Variants in MPV17L observed in about 807,000 individuals in gnomAD.
MPV17L encodes mpv17-like protein.
In MPV17L, 24 loss-of-function variants were observed where a neutral mutation model predicts 25.8. The observed-to-expected ratio is 0.93, with a 90% CI of 0.67 to 1.31. The LOEUF is 1.31. MPV17L is among the 50% of genes most tolerant of loss of function. MPV17L has a pLI of 0.00. For synonymous variants in MPV17L, 102 were observed against 115.3 expected, an observed-to-expected ratio of 0.88 and a Z score of 0.74; for missense variants, 250 against 265.6, an observed-to-expected ratio of 0.94 and a Z score of 0.41.
At chr16:15,398,293 T>G (rs1484319355) in intron 1 of MPV17L, among the ~76,000 whole-genome samples, 1 of 151,570 alleles carries the variant, frequency 6.6e-6, no homozygotes, top group Non-Finnish European at 1.5e-5. Flanking sequence ...ATCTGCCCAT[T>G]TGGCCTCCCA....
intron 2 of MPV17L, among the ~76,000 whole-genome samples, chr16:15,401,850 A>C (rs1216148388): frequency 6.6e-6 from 1 of 152,080 alleles, no homozygotes; most frequent in African/African-American, 2.4e-5. Flanking sequence ...GAAAAGAAAT[A>C]ATATCTCTGA....
chr16:15,400,739 C>T (rs56158663), intron 1 of MPV17L, 48 bp from the exon 2 acceptor site: 22,273 of 1,313,110 alleles, frequency 0.017, 264 homozygotes, highest in Non-Finnish European at 0.018. Flanking sequence ...AACTGTTATA[C>T]GGTACTCTAC....
chr16:15,402,211 C>T (rs1598424644), intron 2 of MPV17L, among the ~76,000 whole-genome samples: 1 of 152,304 alleles, frequency 6.6e-6, no homozygotes, highest in East Asian at 1.9e-4. Flanking sequence ...CAGTCCAATA[C>T]ATATTTATTC....
intron 2 of MPV17L, among the ~76,000 whole-genome samples, chr16:15,401,837 AAAG>A (rs2050642547): frequency 6.6e-6 from 1 of 152,152 alleles, no homozygotes; most frequent in African/African-American, 2.4e-5. Flanking sequence ...AAAAAGAAGA[AAAG>A]AAAAGAAATA....
chr16:15,400,361 T>G (rs75733323), intron 1 of MPV17L, among the ~76,000 whole-genome samples: 5 of 150,792 alleles, frequency 3.3e-5, no homozygotes, highest in Non-Finnish European at 4.4e-5. Context: ...TTTTTTTTTT[T>G]TTTGTTTGAG....
rs1261785489 is a variant in MPV17L at position 15,395,927 on chromosome 16, C to A, written c.30C>A (p.Arg10=). MAGWWPALS[R]AARRHPWPTN... is the part of the protein sequence containing the mutation. ...CGGGCTGGTGGCCGGCGTTGTCGCGCGCGGCCCGGCGCCACCCGTGGCCCA... is the reference window on the plus strand; with the variant it reads ...CGGGCTGGTGGCCGGCGTTGTCGCGAGCGGCCCGGCGCCACCCGTGGCCCA... Residue 10 remains arginine, a synonymous_variant, in exon 1 of 4, where the codon CGC becomes CGA. Coordinates refer to ENST00000396385, the MANE Select transcript of MPV17L (RefSeq NM_001128423.2). The A allele has an allele frequency of 9.1e-6, 13 of 1,435,740 alleles. No individual in the cohort carries two copies. Among genetic ancestry groups the A allele is most frequent in the African/African-American group, 1.5e-5 (1 of 66,730 alleles). 88.9% of individuals were successfully genotyped at this position (1,435,740 alleles called of 1,614,324 possible). A position where few individuals can be genotyped will look rare whatever the true frequency, so the allele number is the denominator to read the frequency against.
intron 2 of MPV17L, among the ~76,000 whole-genome samples, chr16:15,401,087 T>TATATA (rs376853780): frequency 3.0e-3 from 53 of 17,762 alleles, no homozygotes; most frequent in South Asian, 0.022. Context: ...TATATATATA[T>TATATA]TTTTTTTTTT....
Position 15,408,521 on chromosome 16 carries a change from A to C in MPV17L, c.*409A>C, listed in dbSNP as rs2050702415. On this transcript the variant is annotated 3_prime_UTR_variant, in exon 4 of 4. Coordinates refer to ENST00000396385, the MANE Select transcript of MPV17L (RefSeq NM_001128423.2). ...GTTCTTAGAGTGAATTTTAATTTAC[A>C]TAGAACTCAATCGAAATGAAGATTT... 6.4e-6 allele frequency: 1 copy of C among 156,072 alleles called. No homozygotes were observed. Among genetic ancestry groups the C allele is most frequent in the African/African-American group, 2.4e-5 (1 of 41,528 alleles). 9.7% of individuals were successfully genotyped at this position (156,072 alleles called of 1,614,324 possible).
chr16:15,413,062 C>G lies in MPV17L; in HGVS notation c.*4950C>G, dbSNP rs1365060468. 1.3e-5 allele frequency: 2 copies of G among 152,086 alleles called. No homozygotes were observed. The highest frequency in any genetic ancestry group is 2.9e-5 in the Non-Finnish European group (2 of 68,020). The allele number at this position is 152,086 out of a possible 1,614,324, so 9.4% of individuals were successfully genotyped here. On this transcript the variant is annotated 3_prime_UTR_variant, in exon 4 of 4. Transcript: ENST00000396385. Reference sequence around the variant, plus strand: ...TATGTGAATTTCTACAGAATGTTTGCTAGAATGAATTATATCTAGGATATG... The same window carrying G: ...TATGTGAATTTCTACAGAATGTTTGGTAGAATGAATTATATCTAGGATATG...
intron 1 of MPV17L, among the ~76,000 whole-genome samples, chr16:15,398,073 C>T (rs1468455014): frequency 1.3e-5 from 2 of 151,898 alleles, no homozygotes; most frequent in African/African-American, 2.4e-5. Context: ...GACAGAGTCT[C>T]GCTTTATTGC....
At position 15,408,110 on chromosome 16, in the gene MPV17L, T is replaced by C. The variant is rs1317137995; in HGVS notation, c.589T>C (p.Ter197ArgextTer14). Residue 197 changes from the stop codon to arginine, a stop_lost, in exon 4 of 4, where the codon TGA becomes CGA. Transcript: ENST00000396385. ...TGCCACAGAAGGGTACCCGAAGAAA[T>C]GAGAAGTCAAGGACTCTCTTAAAGG... ...TSATEGYPKK[*>R] 30 of 1,589,060 alleles carry C rather than the reference T, an allele frequency of 1.9e-5. No homozygotes were observed. In the East Asian group the frequency reaches 6.8e-4, roughly 36 times the overall value.
At chr16:15,400,894 TTGTG>T in intron 2 of MPV17L, 37 bp downstream of exon 2, 1 of 1,401,148 alleles carries the variant, frequency 7.1e-7, no homozygotes, top group Non-Finnish European at 9.8e-7. Context: ...CACTATATTT[TTGTG>T]TATATATGTA....
intron 2 of MPV17L, among the ~76,000 whole-genome samples, chr16:15,405,998 G>A (rs1299727577): frequency 1.3e-5 from 2 of 151,942 alleles, no homozygotes; most frequent in African/African-American, 4.8e-5. Flanking sequence ...AGACCAGCCT[G>A]GCCAATATCA....
intron 2 of MPV17L, among the ~76,000 whole-genome samples, chr16:15,402,393 T>A (rs1462835104): frequency 6.6e-6 from 1 of 152,172 alleles, no homozygotes. Context: ...CTTCCTTCCC[T>A]ATCAAAAGCA....
At position 15,408,099 on chromosome 16, in the gene MPV17L, AC is replaced by A; in HGVS notation, c.581del (p.Pro194ArgfsTer29). The A allele has an allele frequency of 6.3e-7, 1 of 1,598,230 alleles. No individual in the cohort carries two copies. The highest frequency in any genetic ancestry group is 8.5e-7 in the Non-Finnish European group (1 of 1,170,842). ...YTKGTSATEG[Y>X]PKK Reference sequence around the variant, plus strand: ...AAGGGGACCAGTGCCACAGAAGGGTACCCGAAGAAATGAGAAGTCAAGGACT... The same window carrying A: ...AAGGGGACCAGTGCCACAGAAGGGTACCGAAGAAATGAGAAGTCAAGGACT... On this transcript the variant is annotated frameshift_variant, in exon 4 of 4. Coordinates refer to ENST00000396385, the MANE Select transcript of MPV17L (RefSeq NM_001128423.2). LOFTEE classifies it high-confidence loss of function.
At chr16:15,400,902 A>G (rs1467123039) in intron 2 of MPV17L, 45 bp downstream of exon 2, 41 of 1,120,332 alleles carry the variant, frequency 3.7e-5, no homozygotes, top group Non-Finnish European at 4.8e-5. Context: ...TTTTGTGTAT[A>G]TATGTATATA....
chr16:15,397,910 G>T (rs993563125), intron 1 of MPV17L, among the ~76,000 whole-genome samples: 5 of 152,132 alleles, frequency 3.3e-5, no homozygotes, highest in South Asian at 2.1e-4. Context: ...CTGTGCCTGT[G>T]CCCGGTGTGT....
rs2150910721 is a variant in MPV17L at position 15,413,022 on chromosome 16, A to G, written c.*4910A>G. The G allele has an allele frequency of 6.6e-6, 1 of 152,326 alleles. No homozygotes were observed. Among genetic ancestry groups the G allele is most frequent in the East Asian group, 1.9e-4 (1 of 5,188 alleles). The allele number at this position is 152,326 out of a possible 1,614,324, so 9.4% of individuals were successfully genotyped here. A position where few individuals can be genotyped will look rare whatever the true frequency, so the allele number is the denominator to read the frequency against. On this transcript the variant is annotated 3_prime_UTR_variant, in exon 4 of 4. Coordinates refer to ENST00000396385, the MANE Select transcript of MPV17L (RefSeq NM_001128423.2). ...TTTGTTACATGGGAAATTTACTTTT[A>G]GTACAGTAAAATGTTATGTGAATTT...
rs764460430 is a variant in MPV17L at position 15,396,176 on chromosome 16, T to G, written c.279T>G (p.Gly93=). ...LAKLLCDQVV[G]APIAVSAFYV... ...AGTTGCTGTGCGACCAGGTGGTCGG[T>G]GCGCCCATCGCGGTCTCGGCCTTCT... The change falls in exon 1 of 4, where the codon GGT becomes GGG. Residue 93 remains glycine, a synonymous_variant. Coordinates refer to ENST00000396385, the MANE Select transcript of MPV17L (RefSeq NM_001128423.2). 1.0e-5 allele frequency: 16 copies of G among 1,550,022 alleles called. No homozygotes were observed. In the South Asian group the frequency reaches 1.8e-4, roughly 17 times the overall value.
Sources: allele counts gnomAD v4.1 joint callset (sites outside exome capture counted in the v4.1 genomes callset), GRCh38; gene constraint gnomAD v4.1.1; transcripts MANE v1.5; gene names NCBI Gene and HGNC (gene_info 2026-07-23, HGNC 2026-07-21).